Variants in CAST observed in about 807,000 individuals in gnomAD.
CAST encodes MIR583 host.
Under a neutral mutation model 119.6 loss-of-function variants are expected in CAST, and 76 were observed. That is an observed-to-expected ratio of 0.64 (90% CI 0.53 to 0.77). The LOEUF (loss-of-function observed/expected upper bound fraction) is 0.77. Ranked by LOEUF, CAST falls within the 30% of genes least tolerant of loss-of-function variation. The probability of loss-of-function intolerance (pLI) is 0.00; values close to 1 mark genes in which losing one functional copy is unlikely to be tolerated. For synonymous variants in CAST, 319 were observed against 331.6 expected (o/e 0.96, Z 0.41); for missense variants, 953 against 946.5 (o/e 1.01, Z -0.09).
the CAST span, among the ~76,000 whole-genome samples, chr5:96,466,871 C>G: frequency 4.0e-3 from 604 of 152,104 alleles, 3 homozygotes; most frequent in African/African-American, 0.014. Flanking sequence ...GTTGGGATTG[C>G]CTGATCAAAA....
At chr5:96,072,226 C>A in the CAST span, among the ~76,000 whole-genome samples, 2 of 23,156 alleles carry the variant, frequency 8.6e-5, no homozygotes, top group Non-Finnish European at 2.2e-4. Context: ...ATTGTTAAGG[C>A]CTGACCCTCG....
At chr5:95,973,723 A>C in the CAST span, among the ~76,000 whole-genome samples, 1 of 152,168 alleles carries the variant, frequency 6.6e-6, no homozygotes, top group Non-Finnish European at 1.5e-5. Context: ...TGTCATGATT[A>C]TTGTAGCTTT....
chr5:96,582,072 T>A (rs1014236578), intron 1 of CAST, among the ~76,000 whole-genome samples: 1 of 152,166 alleles, frequency 6.6e-6, no homozygotes, highest in Non-Finnish European at 1.5e-5. Flanking sequence ...TAAGAAATAC[T>A]GTTTGGGAAA....
At chr5:96,553,824 A>G (rs1746181597) in intron 1 of CAST, among the ~76,000 whole-genome samples, 1 of 152,216 alleles carries the variant, frequency 6.6e-6, no homozygotes, top group South Asian at 2.1e-4. Flanking sequence ...AGAGAATAAA[A>G]TAGCTAGGAA....
the CAST span, among the ~76,000 whole-genome samples, chr5:96,493,816 C>A: frequency 0.011 from 1,630 of 152,200 alleles, 18 homozygotes; most frequent in Non-Finnish European, 0.017. Flanking sequence ...AGGTGGATCA[C>A]CTGAGGTCAG....
At chr5:96,566,631 G>C (rs1458619776) in intron 1 of CAST, among the ~76,000 whole-genome samples, 1 of 152,156 alleles carries the variant, frequency 6.6e-6, no homozygotes, top group Non-Finnish European at 1.5e-5. Flanking sequence ...AGGCACTACA[G>C]GGTGTTGCAA....
chr5:96,380,935 T>C, the CAST span, among the ~76,000 whole-genome samples: 5 of 152,172 alleles, frequency 3.3e-5, no homozygotes, highest in Admixed American at 2.0e-4. Flanking sequence ...CGAAAAAGTT[T>C]ATTGGTATAG....
intron 1 of CAST, among the ~76,000 whole-genome samples, chr5:96,627,088 G>C (rs1471766866): frequency 6.6e-6 from 1 of 152,188 alleles, no homozygotes; most frequent in Non-Finnish European, 1.5e-5. Context: ...AAATGCATGA[G>C]AAACTGGGAA....
At chr5:96,256,949 C>A in the CAST span, among the ~76,000 whole-genome samples, 4 of 152,152 alleles carry the variant, frequency 2.6e-5, no homozygotes, top group African/African-American at 9.7e-5. Flanking sequence ...CTTTTCCATG[C>A]ATGAGACATG....
At chr5:96,176,685 G>A in the CAST span, among the ~76,000 whole-genome samples, 1 of 152,166 alleles carries the variant, frequency 6.6e-6, no homozygotes, top group Non-Finnish European at 1.5e-5. Context: ...TAAACTAAAA[G>A]TTTGTCAGTC....
chr5:96,268,880 A>G, the CAST span, among the ~76,000 whole-genome samples: 1 of 152,148 alleles, frequency 6.6e-6, no homozygotes, highest in Non-Finnish European at 1.5e-5. Context: ...GAGAGACCAA[A>G]TGGGAGGTGA....
chr5:96,335,763 A>G, the CAST span, among the ~76,000 whole-genome samples: 30 of 152,166 alleles, frequency 2.0e-4, no homozygotes, highest in African/African-American at 6.7e-4. Context: ...CTTCCCTCCA[A>G]CCTAAACCTC....
intron 1 of CAST, among the ~76,000 whole-genome samples, chr5:96,598,442 G>T (rs149526383): frequency 6.6e-6 from 1 of 152,064 alleles, no homozygotes; most frequent in Non-Finnish European, 1.5e-5. Flanking sequence ...TCCCCTCTCA[G>T]CTGCCCTGTC....
intron 1 of CAST, among the ~76,000 whole-genome samples, chr5:96,550,916 G>A (rs542117569): frequency 3.9e-4 from 60 of 152,326 alleles, no homozygotes; most frequent in African/African-American, 1.4e-3. Context: ...ACGGGACTAT[G>A]TGAAAAGACC....
the CAST span, among the ~76,000 whole-genome samples, chr5:96,278,919 ATGT>A: frequency 6.6e-6 from 1 of 152,234 alleles, no homozygotes; most frequent in African/African-American, 2.4e-5. Context: ...AGCTTAAAAA[ATGT>A]TGTAGTCTTA....
chr5:96,299,838 A>ATT, the CAST span, among the ~76,000 whole-genome samples: 1 of 151,930 alleles, frequency 6.6e-6, no homozygotes, highest in African/African-American at 2.4e-5. Flanking sequence ...TGATGATGTG[A>ATT]TTTTTTTTGT....
At chr5:96,121,291 T>C in the CAST span, among the ~76,000 whole-genome samples, 531 of 152,274 alleles carry the variant, frequency 3.5e-3, 2 homozygotes, top group African/African-American at 4.5e-3. Flanking sequence ...TTCTTAAGAT[T>C]AAGCACAGTG....
the CAST span, among the ~76,000 whole-genome samples, chr5:96,283,958 T>C: frequency 7.9e-5 from 12 of 151,906 alleles, no homozygotes; most frequent in Non-Finnish European, 1.3e-4. Context: ...TCACCATGGG[T>C]TGGAAGGAGT....
the CAST span, among the ~76,000 whole-genome samples, chr5:96,496,811 G>C: frequency 1.3e-5 from 2 of 152,152 alleles, no homozygotes; most frequent in African/African-American, 4.8e-5. Context: ...TTGGGAGACA[G>C]ATTAGACCTA....
Sources: allele counts gnomAD v4.1 joint callset (sites outside exome capture counted in the v4.1 genomes callset), GRCh38; gene constraint gnomAD v4.1.1; transcripts MANE v1.5; gene names NCBI Gene and HGNC (gene_info 2026-07-23, HGNC 2026-07-21).